PACSIN2: variants seen among roughly 807,000 people sequenced by gnomAD.
PACSIN2 encodes protein kinase C and casein kinase substrate in neurons 2.
PACSIN2 carries 25 observed loss-of-function variants against 63.8 expected under a neutral mutation model. The ratio of observed to expected loss-of-function variants is 0.39; its 90% CI spans 0.29 to 0.55. The LOEUF (loss-of-function observed/expected upper bound fraction) is 0.55, where lower values mean the gene tolerates loss of function less well. Ranked by LOEUF, PACSIN2 falls within the 20% of genes least tolerant of loss-of-function variation. The pLI, the probability that PACSIN2 is intolerant of heterozygous loss-of-function variation, is 0.62. For synonymous variants in PACSIN2, 255 were observed against 256.2 expected (o/e 1.00, Z 0.05); for missense variants, 518 against 646.9 (o/e 0.80, Z 2.16).
chr22:42,944,149 C>T (rs1325833139), intron 1 of PACSIN2, among the ~76,000 whole-genome samples: 1 of 152,196 alleles, frequency 6.6e-6, no homozygotes, highest in African/African-American at 2.4e-5. Context: ...GAGCAGGCCT[C>T]GAGTGGCAGC....
intron 1 of PACSIN2, among the ~76,000 whole-genome samples, chr22:42,971,947 CG>C (rs1569339316): frequency 2.0e-5 from 3 of 151,350 alleles, no homozygotes; most frequent in African/African-American, 4.8e-5. Context: ...TGCCTCTGCC[CG>C]GCCGCCCCGT....
intron 1 of PACSIN2, among the ~76,000 whole-genome samples, chr22:42,957,523 G>C (rs2146842498): frequency 6.6e-6 from 1 of 152,248 alleles, no homozygotes; most frequent in South Asian, 2.1e-4. Flanking sequence ...TCCCACACCT[G>C]AATTTCAGAG....
At chr22:42,969,896 C>T (rs1299903973) in intron 1 of PACSIN2, among the ~76,000 whole-genome samples, 2 of 143,016 alleles carry the variant, frequency 1.4e-5, no homozygotes, top group African/African-American at 2.7e-5. Flanking sequence ...GGGTGAGATG[C>T]TGGCCCTTAA....
chr22:42,982,887 A>AAAAAAAAAAAAAAAAAAC lies in PACSIN2; in HGVS notation c.-78+32133_-78+32134insGTTTTTTTTTTTTTTTTT, dbSNP rs200348918. Among the ~76,000 whole-genome samples the AAAAAAAAAAAAAAAAAAC allele has an allele frequency of 8.8e-4, 114 of 129,454 alleles. 5 individuals carry two copies. The highest frequency in any genetic ancestry group is 1.6e-3 in the Non-Finnish European group (92 of 58,686). 84.9% of individuals were successfully genotyped at this position (129,454 alleles called of 152,430 possible). ...TGATCAATAAAAAAAAAAAAAAAAA[A>AAAAAAAAAAAAAAAAAAC]AAACAACAACAAGGCTAGGAGCAGT... On this transcript the variant is annotated intron_variant, in intron 1 of 10. Transcript: ENST00000263246.
rs528116452 is a variant in PACSIN2 at position 42,944,161 on chromosome 22, C to T, written c.-77-32004G>A. On this transcript the variant is annotated intron_variant, in intron 1 of 10. Coordinates refer to ENST00000263246, the MANE Select transcript of PACSIN2 (RefSeq NM_001184970.3). ...ACTGAGCAGGCCTCGAGTGGCAGCT[C>T]TCAGAGAGTGCTGTCTCCTTAATCA... Among the ~76,000 whole-genome samples the T allele has an allele frequency of 2.0e-5, 3 of 152,318 alleles. No individual in the cohort carries two copies. In the East Asian group the frequency reaches 5.8e-4, roughly 29 times the overall value.
intron 1 of PACSIN2, among the ~76,000 whole-genome samples, chr22:42,996,470 T>G (rs1923408438): frequency 6.7e-6 from 1 of 148,392 alleles, no homozygotes; most frequent in African/African-American, 2.5e-5. Flanking sequence ...CAGCAAAGGT[T>G]GCAGTGAGCC....
chr22:42,962,398 T>C (rs1045840575), intron 1 of PACSIN2, among the ~76,000 whole-genome samples: 8 of 152,236 alleles, frequency 5.3e-5, no homozygotes, highest in African/African-American at 1.7e-4. Flanking sequence ...TTATGCAACT[T>C]GCTAAGTGTC....
intron 6 of PACSIN2, among the ~76,000 whole-genome samples, 169 bp from the exon 7 acceptor site, chr22:42,882,473 C>A (rs1471886296): frequency 6.6e-6 from 1 of 152,168 alleles, no homozygotes; most frequent in African/African-American, 2.4e-5. Context: ...CACGGGCCGC[C>A]ACGTGCACAG....
At chr22:42,976,152 C>T (rs1240831881) in intron 1 of PACSIN2, among the ~76,000 whole-genome samples, 1 of 152,226 alleles carries the variant, frequency 6.6e-6, no homozygotes, top group East Asian at 1.9e-4. Context: ...TAATTCTTCA[C>T]CTAGAGGGAG....
chr22:42,873,255 A>G (rs1928312911), intron 10 of PACSIN2, among the ~76,000 whole-genome samples: 1 of 152,226 alleles, frequency 6.6e-6, no homozygotes. Context: ...GTCAAACCCA[A>G]TAGGCAGGAT....
chr22:42,956,223 A>G (rs554982144), intron 1 of PACSIN2, among the ~76,000 whole-genome samples: 1 of 152,196 alleles, frequency 6.6e-6, no homozygotes, highest in African/African-American at 2.4e-5. Flanking sequence ...ATTTCAAATT[A>G]ATTCTAACTT....
chr22:42,999,849 T>C (rs143809609), intron 1 of PACSIN2, among the ~76,000 whole-genome samples: 1 of 152,308 alleles, frequency 6.6e-6, no homozygotes, highest in Non-Finnish European at 1.5e-5. Flanking sequence ...TCTCTGAGCC[T>C]ATTTCCTCAA....
intron 1 of PACSIN2, among the ~76,000 whole-genome samples, chr22:42,971,657 C>T (rs566823319): frequency 4.6e-5 from 7 of 151,818 alleles, no homozygotes; most frequent in Admixed American, 3.9e-4. Context: ...TCTGCCCGGC[C>T]GCCCATCGTC....
intron 1 of PACSIN2, among the ~76,000 whole-genome samples, chr22:42,947,478 C>A (rs1177415181): frequency 1.3e-5 from 2 of 152,100 alleles, no homozygotes; most frequent in Non-Finnish European, 2.9e-5. Context: ...TGCTTGGAGG[C>A]AGCCGTTTCA....
intron 1 of PACSIN2, among the ~76,000 whole-genome samples, chr22:43,005,380 C>T (rs769682543): frequency 1.1e-4 from 17 of 152,204 alleles, no homozygotes; most frequent in Admixed American, 7.2e-4. Context: ...GGCCTCTCTG[C>T]ATGGCAAGGC....
At chr22:42,929,105 A>AC (rs1445856687) in intron 1 of PACSIN2, among the ~76,000 whole-genome samples, 1 of 152,226 alleles carries the variant, frequency 6.6e-6, no homozygotes, top group African/African-American at 2.4e-5. Flanking sequence ...GATCCTCCCT[A>AC]CTTCATCAGA....
At chr22:42,975,457 A>AATATATATAT (rs57140073) in intron 1 of PACSIN2, among the ~76,000 whole-genome samples, 51,996 of 140,262 alleles carry the variant, frequency 0.37, 10,149 homozygotes, top group Admixed American at 0.45. Flanking sequence ...AATATATACA[A>AATATATATAT]ATATATATAT....
chr22:42,931,612 C>G (rs1224762517), intron 1 of PACSIN2, among the ~76,000 whole-genome samples: 1 of 152,220 alleles, frequency 6.6e-6, no homozygotes, highest in African/African-American at 2.4e-5. Context: ...GAAGGAGGAA[C>G]TGGTATATTT....
intron 1 of PACSIN2, among the ~76,000 whole-genome samples, chr22:42,964,794 C>G (rs1319879898): frequency 6.6e-6 from 1 of 151,102 alleles, no homozygotes; most frequent in Non-Finnish European, 1.5e-5. Context: ...TGTAACTCCC[C>G]ATCTCCAGAA....
Sources: allele counts gnomAD v4.1 joint callset (sites outside exome capture counted in the v4.1 genomes callset), GRCh38; gene constraint gnomAD v4.1.1; transcripts MANE v1.5; gene names NCBI Gene and HGNC (gene_info 2026-07-23, HGNC 2026-07-21).